DLG2: variants seen among roughly 807,000 people sequenced by gnomAD.
The protein encoded by DLG2 is discs large MAGUK scaffold protein 2, also known as disks large homolog 2.
Under a neutral mutation model 132.5 loss-of-function variants are expected in DLG2, and 45 were observed. The observed-to-expected ratio is 0.34, with a 90% CI of 0.27 to 0.44. DLG2 has a LOEUF of 0.44. DLG2 is among the 20% of genes least tolerant of loss of function. The probability of loss-of-function intolerance (pLI) is 1.00; values close to 1 mark genes in which losing one functional copy is unlikely to be tolerated. For missense variants in DLG2, 1,045 were observed against 1,196.9 expected (o/e 0.87, Z 1.87); for synonymous variants, 424 against 419.6 (o/e 1.01, Z -0.13).
chr11:85,184,589 T>C (rs2079963021), intron 4 of DLG2, among the ~76,000 whole-genome samples: 1 of 151,840 alleles, frequency 6.6e-6, no homozygotes, highest in African/African-American at 2.4e-5. Context: ...TTTCCCTCAT[T>C]TGGTACAGTA....
intron 2 of DLG2, among the ~76,000 whole-genome samples, chr11:85,603,608 G>A (rs2080317313): frequency 6.7e-6 from 1 of 149,804 alleles, no homozygotes; most frequent in African/African-American, 2.5e-5. Flanking sequence ...TACCCTAGTC[G>A]TTTATTCTTT....
intron 6 of DLG2, among the ~76,000 whole-genome samples, chr11:84,966,499 A>G (rs561341265): frequency 9.9e-5 from 15 of 152,094 alleles, no homozygotes; most frequent in Admixed American, 7.2e-4. Flanking sequence ...GAATAGTTGG[A>G]AAGTATTATA....
intron 7 of DLG2, among the ~76,000 whole-genome samples, chr11:84,373,898 C>T (rs1396497170): frequency 3.3e-5 from 5 of 152,064 alleles, no homozygotes; most frequent in Admixed American, 3.3e-4. Context: ...CAAAATAGAT[C>T]TAAAATATAA....
chr11:84,055,040 A>G (rs1190568307), intron 11 of DLG2, among the ~76,000 whole-genome samples: 2 of 152,070 alleles, frequency 1.3e-5, no homozygotes, highest in Non-Finnish European at 2.9e-5. Context: ...CAGATATTTC[A>G]CAAAATATAG....
chr11:83,939,339 C>A (rs796629858), intron 14 of DLG2, among the ~76,000 whole-genome samples: 1 of 152,182 alleles, frequency 6.6e-6, no homozygotes, highest in African/African-American at 2.4e-5. Context: ...GCTGGGTATC[C>A]CACTGGTATT....
chr11:84,119,798 T>C (rs988115403), intron 9 of DLG2, among the ~76,000 whole-genome samples: 1 of 152,186 alleles, frequency 6.6e-6, no homozygotes, highest in South Asian at 2.1e-4. Context: ...TAGTTACCTA[T>C]AATAAGGCCC....
intron 3 of DLG2, among the ~76,000 whole-genome samples, chr11:85,288,741 A>T (rs2078711641): frequency 6.6e-6 from 1 of 152,202 alleles, no homozygotes; most frequent in Admixed American, 6.6e-5. Flanking sequence ...TCTTAAAAGA[A>T]TAACGACTTG....
At chr11:83,865,816 C>T (rs1595650568) in intron 16 of DLG2, among the ~76,000 whole-genome samples, 1 of 152,232 alleles carries the variant, frequency 6.6e-6, no homozygotes, top group South Asian at 2.1e-4. Flanking sequence ...TAGGAGGAGA[C>T]AGTGAGTCAA....
At chr11:84,398,812 T>G (rs1343870540) in intron 7 of DLG2, among the ~76,000 whole-genome samples, 1 of 152,216 alleles carries the variant, frequency 6.6e-6, no homozygotes, top group Non-Finnish European at 1.5e-5. Flanking sequence ...TCAGTTGCAG[T>G]ATTCTGGCTC....
chr11:83,582,106 G>A (rs113107754), intron 19 of DLG2, among the ~76,000 whole-genome samples: 1,750 of 151,970 alleles, frequency 0.012, 27 homozygotes, highest in African/African-American at 0.04. Context: ...ACAGGCAAGC[G>A]CCATCACACC....
At chr11:84,008,183 T>TC (rs1423692086) in intron 11 of DLG2, among the ~76,000 whole-genome samples, 3 of 151,802 alleles carry the variant, frequency 2.0e-5, no homozygotes, top group Non-Finnish European at 4.4e-5. Context: ...AATTGGTTAA[T>TC]CCCATGAAAT....
At chr11:84,098,447 G>A (rs2092051805) in intron 10 of DLG2, among the ~76,000 whole-genome samples, 1 of 152,050 alleles carries the variant, frequency 6.6e-6, no homozygotes, top group Non-Finnish European at 1.5e-5. Context: ...GGACTCAGAG[G>A]AAACCTTCCC....
At chr11:84,382,927 C>T (rs2098753965) in intron 7 of DLG2, among the ~76,000 whole-genome samples, 1 of 151,808 alleles carries the variant, frequency 6.6e-6, no homozygotes, top group South Asian at 2.1e-4. Flanking sequence ...ATTCAGTCTT[C>T]CATATGACTC....
intron 18 of DLG2, among the ~76,000 whole-genome samples, chr11:83,665,174 G>A (rs2153558302): frequency 6.6e-6 from 1 of 152,330 alleles, no homozygotes; most frequent in African/African-American, 2.4e-5. Context: ...GAAGGCTTAA[G>A]AAGCCTTAGA....
At chr11:84,337,463 T>A (rs540506267) in intron 7 of DLG2, among the ~76,000 whole-genome samples, 8 of 152,328 alleles carry the variant, frequency 5.3e-5, no homozygotes, top group Admixed American at 5.2e-4. Context: ...TTTTAATATT[T>A]TTTATTGTCT....
intron 15 of DLG2, among the ~76,000 whole-genome samples, chr11:83,913,455 T>C (rs2076406978): frequency 6.6e-6 from 1 of 152,108 alleles, no homozygotes; most frequent in Non-Finnish European, 1.5e-5. Context: ...AACAGAGTCC[T>C]TGAACTCAAG....
intron 6 of DLG2, among the ~76,000 whole-genome samples, chr11:84,630,979 T>TTCTCTCTCTCTCTCTC (rs369904915): frequency 7.8e-5 from 4 of 51,242 alleles, no homozygotes; most frequent in Middle Eastern, 0.012. Context: ...TTAAATGCAT[T>TTCTCTCTCTCTCTCTC]TCTCTCTCTC....
chr11:84,435,630 T>C (rs942049558), intron 7 of DLG2, among the ~76,000 whole-genome samples: 1 of 152,202 alleles, frequency 6.6e-6, no homozygotes, highest in African/African-American at 2.4e-5. Flanking sequence ...GGTAATTAAA[T>C]AATTTGAACC....
intron 6 of DLG2, among the ~76,000 whole-genome samples, chr11:84,550,672 G>A (rs2099400108): frequency 1.3e-5 from 2 of 152,142 alleles, no homozygotes; most frequent in Non-Finnish European, 2.9e-5. Context: ...GGGACTTCCT[G>A]GGTGGTCGAT....
Sources: gnomAD v4.1 joint callset for allele counts (sites outside exome capture counted in the v4.1 genomes callset) on GRCh38, gnomAD v4.1.1 for gene constraint, MANE v1.5 for transcripts, NCBI Gene and HGNC (gene_info 2026-07-23, HGNC 2026-07-21) for gene names.